The following ESPL1 variants were observed in gnomAD, a reference collection of about 807,000 sequenced individuals.
ESPL1 encodes separin.
In ESPL1, 50 loss-of-function variants were observed where a neutral mutation model predicts 217.2. The observed-to-expected ratio is 0.23, with a 90% CI of 0.18 to 0.29. ESPL1 has a LOEUF of 0.29. Among genes scored for constraint, ESPL1 ranks in the 10% least tolerant of loss-of-function variants. The probability of loss-of-function intolerance (pLI) is 1.00; values close to 1 mark genes in which losing one functional copy is unlikely to be tolerated. For missense variants in ESPL1, 1,834 were observed against 2,603.0 expected (o/e 0.70, Z 6.43); for synonymous variants, 994 against 1,081.3 (o/e 0.92, Z 1.58).
intron 25 of ESPL1, among the ~76,000 whole-genome samples, 170 bp from the exon 26 acceptor site, chr12:53,291,520 G>A (rs1176683864): frequency 1.3e-5 from 2 of 152,120 alleles, no homozygotes; most frequent in East Asian, 1.9e-4. Context: ...GAACCTGGGA[G>A]GTGGAGGTTG....
In ESPL1 at chr12:53,292,239, G is replaced by A; in HGVS notation, c.5797-39G>A. 2.0e-6 allele frequency: 3 copies of A among 1,524,428 alleles called. No homozygotes were observed. Among genetic ancestry groups the A allele is most frequent in the Non-Finnish European group, 2.7e-6 (3 of 1,098,430 alleles). 94.4% of individuals were successfully genotyped at this position (1,524,428 alleles called of 1,614,324 possible). On this transcript the variant is annotated intron_variant, in intron 27 of 30. Transcript: ENST00000257934. This position sits in a 1 kb window ranked among gnomAD's most constrained non-coding sequence, Gnocchi z 4.5. ...AGATTGTTAGAGCTTGGGCCTCTTGGTGAGACAAGCATCCTAATCGCCAGT... is the reference window on the plus strand; with the variant it reads ...AGATTGTTAGAGCTTGGGCCTCTTGATGAGACAAGCATCCTAATCGCCAGT...
At chr12:53,272,661 CAGG>C (rs1943695630) in intron 5 of ESPL1, 57 bp from the exon 6 acceptor site, 1 of 1,583,098 alleles carries the variant, frequency 6.3e-7, no homozygotes, top group African/African-American at 1.3e-5. Context: ...GCTGCCTCTC[CAGG>C]AGGAGAGGGT....
chr12:53,286,475 C>T lies in ESPL1; in HGVS notation c.3739C>T (p.Leu1247=), dbSNP rs201939448. 97 of 1,614,246 alleles carry T rather than the reference C, an allele frequency of 6.0e-5. No individual in the cohort carries two copies. The highest frequency in any genetic ancestry group is 4.9e-4 in the Middle Eastern group (3 of 6,062). The stretch of plus-strand genomic sequence containing the variant: ...ATCAAACGAGAGCCTGCAGAAGGTT[C>T]TACAGTCAGGGCTGAAGTTTGTAGC... ...QPSNESLQKV[L]QSGLKFVAAR... The change falls in exon 18 of 31, where the codon CTA becomes TTA. Residue 1247 remains leucine (L), a synonymous_variant. Transcript: ENST00000257934. This position sits in a 1 kb window ranked among gnomAD's most constrained non-coding sequence, Gnocchi z 5.3.
chr12:53,272,268 G>A (rs1310380429), intron 5 of ESPL1, among the ~76,000 whole-genome samples: 1 of 152,158 alleles, frequency 6.6e-6, no homozygotes, highest in Non-Finnish European at 1.5e-5. Flanking sequence ...AACGTGATAA[G>A]AAATGTGGGG....
Position 53,283,126 on chromosome 12 carries a change from C to T in ESPL1, c.2792-3C>T, listed in dbSNP as rs1943891399. The T allele has an allele frequency of 7.4e-6, 12 of 1,614,082 alleles. No individual in the cohort carries two copies. In the South Asian group the frequency reaches 1.3e-4, roughly 18 times the overall value. ...TCTCCCTTTTTCACCCCACCCACCACAGGCTGGCAGACACCTGAGATAGCT... is the reference window on the plus strand; with the variant it reads ...TCTCCCTTTTTCACCCCACCCACCATAGGCTGGCAGACACCTGAGATAGCT... On this transcript the variant is annotated splice_region_variant and splice_polypyrimidine_tract_variant and intron_variant, in intron 14 of 30. Coordinates refer to ENST00000257934, the MANE Select transcript of ESPL1 (RefSeq NM_012291.5).
At chr12:53,290,739 A>G in intron 24 of ESPL1, 102 bp from the exon 25 acceptor site, 1 of 89,430 alleles carries the variant, frequency 1.1e-5, no homozygotes, top group East Asian at 7.0e-4. Context: ...TAAGACAGAC[A>G]TGCACATTGG....
intron 22 of ESPL1, 112 bp from the exon 23 acceptor site, chr12:53,289,973 C>G: frequency 8.0e-7 from 1 of 1,242,710 alleles, no homozygotes. Flanking sequence ...CTCTAGTGAC[C>G]AGGGAAGGCT....
intron 3 of ESPL1, 67 bp downstream of exon 3, chr12:53,270,152 T>C (rs796365434): frequency 7.2e-6 from 10 of 1,387,408 alleles, no homozygotes; most frequent in African/African-American, 4.3e-5. Context: ...CTAGGGTATT[T>C]GGCAAGATCT....
chr12:53,272,877 G>A lies in ESPL1; in HGVS notation c.1506+20G>A. On this transcript the variant is annotated intron_variant, in intron 6 of 30. Coordinates refer to ENST00000257934, the MANE Select transcript of ESPL1 (RefSeq NM_012291.5). ...GAGAAGGTACAAGGGAATGAGAGATGCAGGAAAGGAGCTTATGTGGTTGGG... is the reference window on the plus strand; with the variant it reads ...GAGAAGGTACAAGGGAATGAGAGATACAGGAAAGGAGCTTATGTGGTTGGG... 1.2e-6 allele frequency: 2 copies of A among 1,612,718 alleles called. No individual in the cohort carries two copies. Among genetic ancestry groups the A allele is most frequent in the Non-Finnish European group, 1.7e-6 (2 of 1,179,834 alleles).
At position 53,282,482 on chromosome 12, in the gene ESPL1, T is replaced by C; in HGVS notation, c.2791+47T>C. 6.4e-7 allele frequency: 1 copy of C among 1,559,820 alleles called. No individual in the cohort carries two copies. Among genetic ancestry groups the C allele is most frequent in the Non-Finnish European group, 8.8e-7 (1 of 1,135,102 alleles). ...CCCCCCTTGGATGACATGTATGGTC[T>C]GTCTGCTGTCAGCTCTTCTCAAACC... On this transcript the variant is annotated intron_variant, in intron 14 of 30. Transcript: ENST00000257934. This position sits in a 1 kb window ranked among gnomAD's most constrained non-coding sequence, Gnocchi z 4.0.
chr12:53,276,078 CTA>C (rs1943761232), intron 7 of ESPL1, among the ~76,000 whole-genome samples: 1 of 152,078 alleles, frequency 6.6e-6, no homozygotes, highest in Non-Finnish European at 1.5e-5. Context: ...TGGCATGAAC[CTA>C]TAGTCTATTT....
chr12:53,290,827 C>T lies in ESPL1; in HGVS notation c.5365-14C>T, dbSNP rs775699147. 7 of 1,444,320 alleles carry T rather than the reference C, an allele frequency of 4.8e-6. No individual in the cohort carries two copies. In the Admixed American group the frequency reaches 1.5e-4, roughly 31 times the overall value. 89.5% of individuals were successfully genotyped at this position (1,444,320 alleles called of 1,614,324 possible). A position where few individuals can be genotyped will look rare whatever the true frequency, so the allele number is the denominator to read the frequency against. ...GTTTCCTCTCTGACTGAAGGGTCTG[C>T]CCTCTGCATTCAGGTTCTCATCGCT... On this transcript the variant is annotated splice_polypyrimidine_tract_variant and intron_variant, in intron 24 of 30. Transcript: ENST00000257934.
chr12:53,286,679 CG>C lies in ESPL1; in HGVS notation c.3944del (p.Arg1315LeufsTer9). ...SEPSKTQGQK[R>X]SGRGRQKLAS... ...GCCCTCTAAGACTCAGGGCCAAAAA[CG>C]TTCTGGACGAGGGCGCCAAAAGTTA... is the stretch of plus-strand genomic sequence containing the variant. On this transcript the variant is annotated frameshift_variant, in exon 18 of 31. Transcript: ENST00000257934. LOFTEE classifies it high-confidence loss of function. This position sits in a 1 kb window ranked among gnomAD's most constrained non-coding sequence, Gnocchi z 5.3. 6.2e-7 allele frequency: 1 copy of C among 1,614,154 alleles called. No individual in the cohort carries two copies. Among genetic ancestry groups the C allele is most frequent in the Non-Finnish European group, 8.5e-7 (1 of 1,180,020 alleles).
chr12:53,277,007 C>T (rs1049879834), intron 8 of ESPL1, 76 bp from the exon 9 acceptor site: 68 of 1,570,492 alleles, frequency 4.3e-5, no homozygotes, highest in Non-Finnish European at 5.8e-5. Flanking sequence ...GCCAGCTGTT[C>T]TGCAGCTAGC....
At position 53,282,949 on chromosome 12, in the gene ESPL1, C is replaced by T. The variant is rs557393120; in HGVS notation, c.2792-180C>T. 5.3e-5 allele frequency among the ~76,000 whole-genome samples: 8 copies of T among 152,364 alleles called. No homozygotes were observed. The highest frequency in any genetic ancestry group is 1.3e-4 in the Admixed American group (2 of 15,302). On this transcript the variant is annotated intron_variant, in intron 14 of 30. Transcript: ENST00000257934. The surrounding 1 kb of genome is among the most constrained non-coding windows in gnomAD (Gnocchi z 4.0). ...GATTACAGGCTTGGGCCACTGCGCC[C>T]AGCCAGCTGAAAGGATTCTGAGACC...
At position 53,293,200 on chromosome 12, in the gene ESPL1, A is replaced by G; in HGVS notation, c.6162-73A>G. The G allele has an allele frequency of 7.6e-7, 1 of 1,311,746 alleles. No homozygotes were observed. Among genetic ancestry groups the G allele is most frequent in the Non-Finnish European group, 1.1e-6 (1 of 909,364 alleles). 81.3% of individuals were successfully genotyped at this position (1,311,746 alleles called of 1,614,324 possible). On this transcript the variant is annotated intron_variant, in intron 30 of 30. Coordinates refer to ENST00000257934, the MANE Select transcript of ESPL1 (RefSeq NM_012291.5). This position sits in a 1 kb window ranked among gnomAD's most constrained non-coding sequence, Gnocchi z 4.2. ...CAATCCTCTCCACTCACCCACCCCC[A>G]CCACCAATGGTGTTTTCCTATGTAT...
rs529815497 is a variant in ESPL1 at position 53,282,576 on chromosome 12, G to A, written c.2791+141G>A. 1.4e-6 allele frequency: 1 copy of A among 714,072 alleles called. No homozygotes were observed. Among genetic ancestry groups the A allele is most frequent in the East Asian group, 2.7e-5 (1 of 36,612 alleles). The allele number at this position is 714,072 out of a possible 1,614,324, so 44.2% of individuals were successfully genotyped here. A position where few individuals can be genotyped will look rare whatever the true frequency, so the allele number is the denominator to read the frequency against. ...ACCTGCACAGAGTAGGCCTGGGATA[G>A]CAGATGGGTTTCAGTTTGCCTGCTG... On this transcript the variant is annotated intron_variant, in intron 14 of 30. Transcript: ENST00000257934. The surrounding 1 kb of genome is among the most constrained non-coding windows in gnomAD (Gnocchi z 4.0).
chr12:53,288,463 G>A (rs1305577873), intron 19 of ESPL1, 75 bp from the exon 20 acceptor site: 3 of 1,538,168 alleles, frequency 2.0e-6, no homozygotes, highest in African/African-American at 2.9e-5. Context: ...CTCTAAGGGA[G>A]TGGATTACAG....
Position 53,286,907 on chromosome 12 carries a change from C to T in ESPL1, c.4171C>T (p.Leu1391Phe). The T allele has an allele frequency of 6.3e-7, 1 of 1,590,466 alleles. No homozygotes were observed. The highest frequency in any genetic ancestry group is 1.8e-5 in the Admixed American group (1 of 55,990). The change falls in exon 18 of 31, where the codon CTC (leucine) becomes TTC (phenylalanine). Residue 1391 changes from leucine to phenylalanine, a missense_variant. By Grantham distance (22) the Leu-to-Phe change is conservative. This residue lies in a region of ESPL1 where 681 missense variants were observed against 808.0 expected (regional missense o/e 0.84). Coordinates refer to ENST00000257934, the MANE Select transcript of ESPL1 (RefSeq NM_012291.5). The surrounding 1 kb of genome is among the most constrained non-coding windows in gnomAD (Gnocchi z 5.3). ...GGTACAACAGAGAGTCCAGACGCGC[C>T]TCAAGGTGAGGTGGGACTGTTGCTA... ...PRVQQRVQTR[L>F]KVNFSDDSDL...
Sources: gnomAD v4.1 joint callset for allele counts (sites outside exome capture counted in the v4.1 genomes callset) on GRCh38, gnomAD v4.1.1 for gene constraint, gnomAD v4.1.1 regional missense constraint, Gnocchi (gnomAD v3.1) non-coding constraint, MANE v1.5 for transcripts, NCBI Gene and HGNC (gene_info 2026-07-23, HGNC 2026-07-21) for gene names.